BLOC1S3: variants seen among roughly 807,000 people sequenced by gnomAD.
BLOC1S3 encodes the protein biogenesis of lysosomal organelles complex 1 subunit 3.
Under a neutral mutation model 9.1 loss-of-function variants are expected in BLOC1S3, and 7 were observed. That is an observed-to-expected ratio of 0.77 (90% CI 0.44 to 1.45). The LOEUF (loss-of-function observed/expected upper bound fraction) is 1.45. Among genes scored for constraint, BLOC1S3 ranks in the 40% most tolerant of loss-of-function variants. BLOC1S3 has a pLI of 0.01. For missense variants in BLOC1S3, 307 were observed against 315.2 expected (o/e 0.97, Z 0.20); for synonymous variants, 145 against 158.4 (o/e 0.92, Z 0.64).
intron 2 of BLOC1S3, among the ~76,000 whole-genome samples, chr19:45,189,306 CA>C (rs1468223117): frequency 2.5e-4 from 38 of 152,346 alleles, no homozygotes; most frequent in African/African-American, 9.1e-4. Flanking sequence ...AAGTATGTGC[CA>C]CTGCACCCAG....
At chr19:45,212,636 T>G in intron 3 of BLOC1S3, 1 of 151,064 alleles carries the variant, frequency 6.6e-6, no homozygotes, top group African/African-American at 2.5e-5. Flanking sequence ...AGGGTCTTGC[T>G]TTGTTGACCA....
intron 2 of BLOC1S3, among the ~76,000 whole-genome samples, chr19:45,195,578 C>CCTCCCTCT (rs1599752970): frequency 1.4e-5 from 2 of 146,550 alleles, no homozygotes; most frequent in Non-Finnish European, 3.0e-5. Flanking sequence ...TCCCTCCCTC[C>CCTCCCTCT]CTCCCTCTCT....
intron 2 of BLOC1S3, among the ~76,000 whole-genome samples, chr19:45,198,613 T>A (rs1018312944): frequency 6.6e-6 from 1 of 152,232 alleles, no homozygotes; most frequent in Non-Finnish European, 1.5e-5. Context: ...ACTTTCAATA[T>A]GTCGTGCCAC....
chr19:45,196,226 C>T (rs531449673), intron 2 of BLOC1S3, among the ~76,000 whole-genome samples: 14 of 152,034 alleles, frequency 9.2e-5, no homozygotes, highest in African/African-American at 3.4e-4. Flanking sequence ...GGATCTCATT[C>T]TGTTGCCCAG....
At chr19:45,184,379 A>G (rs1969549946), downstream of BLOC1S3, among the ~76,000 whole-genome samples, 1 of 152,026 alleles carries the variant, frequency 6.6e-6, no homozygotes, top group Admixed American at 6.6e-5. Context: ...GCCAAGGTGA[A>G]AGCACTGATT....
Position 45,179,576 on chromosome 19 carries a change from T to C in BLOC1S3, c.280T>C (p.Trp94Arg), listed in dbSNP as rs1336540867. ...VVQRESAEEAWGTEEAPAPAP... is the reference protein window; with the variant it reads ...VVQRESAEEARGTEEAPAPAP... ...GCAGCGGGAATCGGCGGAGGAGGCC[T>C]GGGGCACGGAGGAGGCCCCGGCGCC... The change falls in exon 2 of 2, where the codon TGG becomes CGG. Residue 94 changes from tryptophan (W) to arginine (R), a missense_variant. Coordinates refer to ENST00000433642, the MANE Select transcript of BLOC1S3 (RefSeq NM_212550.5). This position sits in a 1 kb window ranked among gnomAD's most constrained non-coding sequence, Gnocchi z 4.6. 1 of 1,504,818 alleles carries C rather than the reference T, an allele frequency of 6.6e-7. No homozygotes were observed. The highest frequency in any genetic ancestry group is 2.7e-5 in the East Asian group (1 of 37,212). The allele number at this position is 1,504,818 out of a possible 1,614,324, so 93.2% of individuals were successfully genotyped here.
At chr19:45,206,450 G>T (rs1281454416) in intron 3 of BLOC1S3, among the ~76,000 whole-genome samples, 75 of 55,116 alleles carry the variant, frequency 1.4e-3, no homozygotes, top group African/African-American at 1.6e-3. Flanking sequence ...GATTAATCAA[G>T]TTTTTTTTTT....
Position 45,179,739 on chromosome 19 carries a change from C to T in BLOC1S3, c.443C>T (p.Ala148Val), listed in dbSNP as rs1969484618. 1.4e-6 allele frequency: 2 copies of T among 1,459,004 alleles called. No homozygotes were observed. The highest frequency in any genetic ancestry group is 5.7e-5 in the East Asian group (2 of 34,804). The allele number at this position is 1,459,004 out of a possible 1,614,324, so 90.4% of individuals were successfully genotyped here. A position where few individuals can be genotyped will look rare whatever the true frequency, so the allele number is the denominator to read the frequency against. Residue 148 changes from alanine (A) to valine (V), a missense_variant, in exon 2 of 2, where the codon GCA becomes GTA. Ala to Val is a moderately conservative substitution (Grantham distance 64, BLOSUM62 0). Transcript: ENST00000433642. The surrounding 1 kb of genome is among the most constrained non-coding windows in gnomAD (Gnocchi z 4.6). ...GCCGCCCTGGCTAGTAGGCTGGCGG[C>T]AGCCCAGGCGGCGGGGCTGGCGGCG... ...DVAALASRLA[A>V]AQAAGLAAAH...
chr19:45,183,163 CA>C (rs1278503131), downstream of BLOC1S3, among the ~76,000 whole-genome samples: 4 of 151,912 alleles, frequency 2.6e-5, no homozygotes, highest in African/African-American at 9.7e-5. Flanking sequence ...CAGAAGGGGC[CA>C]GATAAAGGTG....
chr19:45,188,187 T>G (rs986828689), intron 2 of BLOC1S3, among the ~76,000 whole-genome samples: 2 of 152,110 alleles, frequency 1.3e-5, no homozygotes, highest in Non-Finnish European at 2.9e-5. Flanking sequence ...TATGTCCGAC[T>G]AATTTTTGTA....
chr19:45,192,149 C>T (rs1044019182), intron 2 of BLOC1S3, among the ~76,000 whole-genome samples: 1 of 152,202 alleles, frequency 6.6e-6, no homozygotes, highest in Non-Finnish European at 1.5e-5. Context: ...AAGACAAAAT[C>T]TTCCCCACTC....
chr19:45,201,949 C>T (rs1969693865), intron 2 of BLOC1S3, among the ~76,000 whole-genome samples: 1 of 152,014 alleles, frequency 6.6e-6, no homozygotes, highest in Non-Finnish European at 1.5e-5. Context: ...TTTGGCCAGG[C>T]ATGGCAGCTC....
At chr19:45,200,189 T>TTTC (rs1266895342) in intron 2 of BLOC1S3, among the ~76,000 whole-genome samples, 1 of 150,620 alleles carries the variant, frequency 6.6e-6, no homozygotes, top group Non-Finnish European at 1.5e-5. Context: ...TTAATTTTTT[T>TTTC]TTTTTTTTTT....
intron 3 of BLOC1S3, among the ~76,000 whole-genome samples, chr19:45,215,631 C>A (rs1969824384): frequency 6.6e-6 from 1 of 152,192 alleles, no homozygotes; most frequent in Admixed American, 6.5e-5. Flanking sequence ...ATACTACTAT[C>A]CCCATGGAAC....
At chr19:45,189,092 G>A (rs1969586392) in intron 2 of BLOC1S3, among the ~76,000 whole-genome samples, 1 of 152,114 alleles carries the variant, frequency 6.6e-6, no homozygotes, top group African/African-American at 2.4e-5. Flanking sequence ...TTACAGGCAT[G>A]AGTCACTGTG....
intron 2 of BLOC1S3, among the ~76,000 whole-genome samples, chr19:45,189,907 T>C (rs560010375): frequency 1.3e-5 from 2 of 152,312 alleles, no homozygotes; most frequent in East Asian, 3.9e-4. Flanking sequence ...AGATTTGTCC[T>C]TTTGAGGCTA....
intron 2 of BLOC1S3, among the ~76,000 whole-genome samples, chr19:45,193,923 C>T (rs1255869725): frequency 1.8e-4 from 22 of 121,230 alleles, no homozygotes; most frequent in African/African-American, 7.1e-4. Context: ...CTGCCTCAGC[C>T]TCCTGAGTAG....
At position 45,180,235 on chromosome 19, in the gene BLOC1S3, A is replaced by ATTTTTTTTT. The variant is rs34965337; in HGVS notation, c.*346_*354dup. The stretch of plus-strand genomic sequence containing the variant: ...CTGTTTCCACCCTGGGGGCTCACCA[A>ATTTTTTTTT]TTTTTTTTTTTTTTTTTTTTTTTTG... On this transcript the variant is annotated 3_prime_UTR_variant, in exon 2 of 2. Transcript: ENST00000433642. The ATTTTTTTTT allele has an allele frequency of 0.034, 3,063 of 90,292 alleles. 131 individuals are homozygous for ATTTTTTTTT. The highest frequency in any genetic ancestry group is 0.052 in the African/African-American group (919 of 17,824). The allele number at this position is 90,292 out of a possible 1,614,324, so 5.6% of individuals were successfully genotyped here. A position where few individuals can be genotyped will look rare whatever the true frequency, so the allele number is the denominator to read the frequency against.
At chr19:45,195,178 G>A (rs763403022) in intron 2 of BLOC1S3, among the ~76,000 whole-genome samples, 8 of 151,866 alleles carry the variant, frequency 5.3e-5, no homozygotes, top group Non-Finnish European at 1.0e-4. Flanking sequence ...CAAAGTGCTG[G>A]GATTACAGGT....
Sources: gnomAD v4.1 joint callset for allele counts (sites outside exome capture counted in the v4.1 genomes callset) on GRCh38, gnomAD v4.1.1 for gene constraint, Gnocchi (gnomAD v3.1) non-coding constraint, MANE v1.5 for transcripts, NCBI Gene and HGNC (gene_info 2026-07-23, HGNC 2026-07-21) for gene names.